MAD1L1: variants seen among roughly 807,000 people sequenced by gnomAD.
MAD1L1 encodes the protein mitotic spindle assembly checkpoint protein MAD1.
MAD1L1 carries 95 observed loss-of-function variants against 96.9 expected under a neutral mutation model. The observed-to-expected ratio is 0.98, with a 90% CI of 0.83 to 1.16. The LOEUF (loss-of-function observed/expected upper bound fraction) is 1.16. Among genes scored for constraint, MAD1L1 ranks in the 50% most tolerant of loss-of-function variants. MAD1L1 has a pLI of 0.00. For missense variants in MAD1L1, 1,007 were observed against 954.4 expected, an observed-to-expected ratio of 1.06 and a Z score of -0.73; for synonymous variants, 473 against 396.6, an observed-to-expected ratio of 1.19 and a Z score of -2.29.
chr7:1,915,435 C>T (rs116178418), intron 17 of MAD1L1, among the ~76,000 whole-genome samples: 5,172 of 152,200 alleles, frequency 0.034, 196 homozygotes, highest in Admixed American at 0.099. Context: ...AGCTGCAGGG[C>T]CAGGGGACGG....
In MAD1L1 at chr7:2,114,260, A is replaced by G. The variant is rs1044817153; in HGVS notation, c.1073+34892T>C. Among the ~76,000 whole-genome samples, 1 of 152,230 alleles carries G rather than the reference A, an allele frequency of 6.6e-6. No homozygotes were observed. Among genetic ancestry groups the G allele is most frequent in the Non-Finnish European group, 1.5e-5 (1 of 68,034 alleles). ...ACAAAAGGGCAAATGGCCGGATGGTAATGACTCATCCCAAAGGCCATCTCA... is the reference window on the plus strand; with the variant it reads ...ACAAAAGGGCAAATGGCCGGATGGTGATGACTCATCCCAAAGGCCATCTCA... On this transcript the variant is annotated intron_variant, in intron 11 of 18. Transcript: ENST00000265854. The surrounding 1 kb of genome is among the most constrained non-coding windows in gnomAD (Gnocchi z 4.2).
intron 17 of MAD1L1, among the ~76,000 whole-genome samples, chr7:1,919,250 G>A (rs1788623466): frequency 6.6e-6 from 1 of 152,264 alleles, no homozygotes; most frequent in African/African-American, 2.4e-5. Flanking sequence ...GTTACGACGT[G>A]GAGCAGGACC....
At position 2,156,975 on chromosome 7, in the gene MAD1L1, G is replaced by A. The variant is rs189852059; in HGVS notation, c.987-7737C>T. On this transcript the variant is annotated intron_variant, in intron 10 of 18. Transcript: ENST00000265854. ...GATGCCACCCACCACACGTGTGACAGAGAAAACACTGCCTGCGGTTCTCTG... is the reference window on the plus strand; with the variant it reads ...GATGCCACCCACCACACGTGTGACAAAGAAAACACTGCCTGCGGTTCTCTG... 2.0e-5 allele frequency among the ~76,000 whole-genome samples: 3 copies of A among 152,188 alleles called. No homozygotes were observed. The East Asian group carries it at 5.8e-4, about 29-fold the overall frequency.
chr7:2,029,207 C>T (rs1311687972), intron 12 of MAD1L1, among the ~76,000 whole-genome samples: 2 of 151,948 alleles, frequency 1.3e-5, no homozygotes. Flanking sequence ...TCACAGTAGC[C>T]AAGAAATAAA....
intron 13 of MAD1L1, among the ~76,000 whole-genome samples, chr7:2,004,867 A>G (rs1359156652): frequency 1.3e-5 from 2 of 152,218 alleles, no homozygotes; most frequent in Non-Finnish European, 2.9e-5. Flanking sequence ...AACAGAACGC[A>G]TGCATCTGAA....
intron 17 of MAD1L1, among the ~76,000 whole-genome samples, chr7:1,899,857 G>A (rs1210373111): frequency 6.6e-6 from 1 of 152,188 alleles, no homozygotes; most frequent in Non-Finnish European, 1.5e-5. Flanking sequence ...GCAGGGACAG[G>A]GGAGCCAGGT....
At chr7:1,969,246 T>C (rs974402022) in intron 15 of MAD1L1, among the ~76,000 whole-genome samples, 1 of 152,124 alleles carries the variant, frequency 6.6e-6, no homozygotes, top group African/African-American at 2.4e-5. Flanking sequence ...TAGCCAGGCA[T>C]GGTGGCACAT....
At chr7:2,063,350 T>C (rs1189606076) in intron 12 of MAD1L1, among the ~76,000 whole-genome samples, 1 of 152,202 alleles carries the variant, frequency 6.6e-6, no homozygotes, top group Non-Finnish European at 1.5e-5. Flanking sequence ...ATCCCAGGAC[T>C]TAAACAGACA....
chr7:1,850,881 C>T (rs920931626), intron 18 of MAD1L1, among the ~76,000 whole-genome samples: 13 of 152,178 alleles, frequency 8.5e-5, no homozygotes, highest in East Asian at 5.8e-4. Flanking sequence ...GAGGGCACAC[C>T]GAAACCTGCC....
At chr7:2,015,628 C>CTG (rs1782503174) in intron 12 of MAD1L1, among the ~76,000 whole-genome samples, 1 of 152,234 alleles carries the variant, frequency 6.6e-6, no homozygotes, top group Non-Finnish European at 1.5e-5. Flanking sequence ...GAACCACAGC[C>CTG]CCCGGACCCT....
At chr7:2,121,672 TCAGCCTC>T (rs1303758948) in intron 11 of MAD1L1, among the ~76,000 whole-genome samples, 1 of 147,916 alleles carries the variant, frequency 6.8e-6, no homozygotes, top group African/African-American at 2.5e-5. Flanking sequence ...GTGGCCAAAC[TCAGCCTC>T]CAGCACTAGA....
intron 11 of MAD1L1, among the ~76,000 whole-genome samples, chr7:2,143,757 G>C (rs1016059806): frequency 2.0e-5 from 3 of 152,056 alleles, no homozygotes; most frequent in Non-Finnish European, 4.4e-5. Flanking sequence ...AGGCAGCAAG[G>C]TGGGATCTTC....
chr7:2,097,545 G>C (rs1786556038), intron 11 of MAD1L1, among the ~76,000 whole-genome samples: 1 of 152,172 alleles, frequency 6.6e-6, no homozygotes, highest in African/African-American at 2.4e-5. Flanking sequence ...CCCAAGCTGG[G>C]AGCCAGGCAG....
chr7:1,923,595 G>A lies in MAD1L1; in HGVS notation c.1807+13092C>T, dbSNP rs546217823. Among the ~76,000 whole-genome samples the A allele has an allele frequency of 1.9e-4, 29 of 152,412 alleles. No homozygotes were observed. In the South Asian group the frequency reaches 5.6e-3, roughly 29 times the overall value. ...AAGAGTGGGCCCCTCCCTCCAGACA[G>A]GGTGCGTGGGGCATGTCCTGCCCTG... is the stretch of plus-strand genomic sequence containing the variant. On this transcript the variant is annotated intron_variant, in intron 17 of 18. Transcript: ENST00000265854.
intron 17 of MAD1L1, among the ~76,000 whole-genome samples, chr7:1,930,518 C>A (rs185087396): frequency 1.0e-5 from 1 of 98,308 alleles, no homozygotes; most frequent in African/African-American, 4.3e-5. Context: ...CGCCCCGTCC[C>A]CACTGCCACG....
intron 17 of MAD1L1, among the ~76,000 whole-genome samples, chr7:1,930,700 G>A (rs567011709): frequency 1.5e-4 from 23 of 151,314 alleles, no homozygotes; most frequent in Non-Finnish European, 2.5e-4. Flanking sequence ...GCTGACCCCC[G>A]AGATGCTGGG....
intron 17 of MAD1L1, among the ~76,000 whole-genome samples, chr7:1,909,159 C>A (rs1427515498): frequency 6.6e-6 from 1 of 152,182 alleles, no homozygotes; most frequent in Non-Finnish European, 1.5e-5. Flanking sequence ...GCAGAGGCCT[C>A]CACATCAGGC....
intron 18 of MAD1L1, among the ~76,000 whole-genome samples, chr7:1,855,346 C>G (rs574627833): frequency 6.6e-6 from 1 of 152,084 alleles, no homozygotes; most frequent in African/African-American, 2.4e-5. Context: ...GCGATGACAG[C>G]GACAAGCTGA....
At chr7:1,852,766 G>T (rs1784045345) in intron 18 of MAD1L1, among the ~76,000 whole-genome samples, 1 of 152,160 alleles carries the variant, frequency 6.6e-6, no homozygotes, top group African/African-American at 2.4e-5. Context: ...CTGTTCCCCT[G>T]CCTCCTGAGC....
Sources: allele counts gnomAD v4.1 joint callset (sites outside exome capture counted in the v4.1 genomes callset), GRCh38; gene constraint gnomAD v4.1.1; non-coding constraint Gnocchi (gnomAD v3.1); transcripts MANE v1.5; gene names NCBI Gene and HGNC (gene_info 2026-07-23, HGNC 2026-07-21).